UGT2B7: variants seen among roughly 807,000 people sequenced by gnomAD.
UGT2B7 encodes UDP glucuronosyltransferase family 2 member B7, also known as UDP-glucuronosyltransferase 2B7.
A neutral mutation model predicts 51.9 loss-of-function variants in UGT2B7; 51 were observed. That is an observed-to-expected ratio of 0.98 (90% confidence interval 0.78 to 1.24). The LOEUF (loss-of-function observed/expected upper bound fraction) is 1.24, where lower values mean the gene tolerates loss of function less well. UGT2B7 is among the 50% of genes most tolerant of loss of function. The pLI is 0.00. For synonymous variants in UGT2B7, 225 were observed against 211.6 expected (o/e 1.06, Z -0.55); for missense variants, 727 against 628.4 (o/e 1.16, Z -1.68).
intron 1 of UGT2B7, among the ~76,000 whole-genome samples, chr4:69,087,461 T>C (rs1033178587): frequency 6.6e-6 from 1 of 152,036 alleles, no homozygotes; most frequent in East Asian, 1.9e-4. Context: ...AAGATATAAA[T>C]GGCTTATATA....
At chr4:69,098,113 G>A (rs1383123396) in intron 1 of UGT2B7, among the ~76,000 whole-genome samples, 1 of 151,978 alleles carries the variant, frequency 6.6e-6, no homozygotes, top group African/African-American at 2.4e-5. Context: ...TTAATGAGTT[G>A]TGTAAACTAG....
rs998152225 is a variant in UGT2B7, at chr4:69,087,111, ACTCTGTCTCTCTCT to A, written c.-158-2340_-158-2327del. Reference sequence around the variant, plus strand: ...CTCTCTGTGTCTTCCTTTCTCTCTCACTCTGTCTCTCTCTCTCTGTCTCTCTCTCTCTGTGTCTT... The same window carrying A: ...CTCTCTGTGTCTTCCTTTCTCTCTCACTCTGTCTCTCTCTCTCTGTGTCTT... On this transcript the variant is annotated intron_variant, in intron 1 of 5. Transcript: ENST00000502942. Among the ~76,000 whole-genome samples the A allele has an allele frequency of 4.3e-4, 40 of 92,412 alleles. No individual in the cohort carries two copies. The South Asian group carries it at 9.9e-3, about 23-fold the overall frequency. 60.6% of individuals were successfully genotyped at this position (92,412 alleles called of 152,430 possible).
intron 3 of UGT2B7, among the ~76,000 whole-genome samples, chr4:69,103,313 G>T (rs1198964964): frequency 1.3e-5 from 2 of 152,060 alleles, no homozygotes; most frequent in Non-Finnish European, 2.9e-5. Flanking sequence ...AAATATGCTT[G>T]TATAGCATCC....
At chr4:69,062,135 G>T (rs958894936) in intron 1 of UGT2B7, among the ~76,000 whole-genome samples, 1 of 152,142 alleles carries the variant, frequency 6.6e-6, no homozygotes, top group Non-Finnish European at 1.5e-5. Context: ...ACATGAACCA[G>T]ATACTCAAGC....
At chr4:69,065,656 T>C (rs1229979120) in intron 1 of UGT2B7, among the ~76,000 whole-genome samples, 1 of 152,212 alleles carries the variant, frequency 6.6e-6, no homozygotes, top group Non-Finnish European at 1.5e-5. Flanking sequence ...GATTAGTGTA[T>C]TTCTCATACA....
chr4:69,086,132 T>C (rs1718950309), intron 1 of UGT2B7, among the ~76,000 whole-genome samples: 1 of 151,860 alleles, frequency 6.6e-6, no homozygotes, highest in Non-Finnish European at 1.5e-5. Flanking sequence ...AGACATTTAT[T>C]GGCATATATT....
Position 69,096,916 on chromosome 4 carries a change from A to G in UGT2B7, c.396A>G (p.Ser132=). The G allele has an allele frequency of 6.2e-7, 1 of 1,611,910 alleles. No individual in the cohort carries two copies. Among genetic ancestry groups the G allele is most frequent in the South Asian group, 1.1e-5 (1 of 90,382 alleles). Residue 132 remains serine (S), a synonymous_variant, in exon 1 of 6, where the codon TCA becomes TCG. Coordinates refer to ENST00000305231, the MANE Select transcript of UGT2B7 (RefSeq NM_001074.4). ...ITRKFCKDVV[S]NKKFMKKVQE... Reference sequence around the variant, plus strand: ...GAAAGTTCTGTAAAGATGTAGTTTCAAATAAGAAATTTATGAAAAAAGTAC... The same window carrying G: ...GAAAGTTCTGTAAAGATGTAGTTTCGAATAAGAAATTTATGAAAAAAGTAC...
At chr4:69,107,375 C>CT in intron 4 of UGT2B7, 113 bp downstream of exon 4, 1 of 1,232,414 alleles carries the variant, frequency 8.1e-7, no homozygotes, top group African/African-American at 1.6e-5. Flanking sequence ...CAAAATGTAA[C>CT]TTCTTTATAT....
chr4:69,110,898 TA>T, intron 5 of UGT2B7, among the ~76,000 whole-genome samples: 1 of 152,296 alleles, frequency 6.6e-6, no homozygotes, highest in South Asian at 2.1e-4. Context: ...ATTTAATATT[TA>T]AATGTTTATT....
intron 1 of UGT2B7, among the ~76,000 whole-genome samples, chr4:69,064,086 AAG>A (rs1560499729): frequency 2.0e-5 from 2 of 102,478 alleles, no homozygotes; most frequent in African/African-American, 1.0e-4. Flanking sequence ...GAAAGAAAGA[AAG>A]AAAGAAAGAG....
At chr4:69,098,391 AATTAT>A (rs1719309144) in intron 1 of UGT2B7, 144 bp from the exon 2 acceptor site, 1 of 790,164 alleles carries the variant, frequency 1.3e-6, no homozygotes, top group African/African-American at 1.8e-5. Context: ...CATAAAATTA[AATTAT>A]ATCTATATAT....
intron 2 of UGT2B7, among the ~76,000 whole-genome samples, chr4:69,101,403 T>C (rs1342559183): frequency 6.6e-6 from 1 of 152,116 alleles, no homozygotes. Flanking sequence ...ATTTTTATTA[T>C]GTTATCACAG....
chr4:69,064,606 C>T (rs563431569), intron 1 of UGT2B7, among the ~76,000 whole-genome samples: 42 of 152,328 alleles, frequency 2.8e-4, no homozygotes, highest in African/African-American at 8.7e-4. Context: ...CCCTCTGTAT[C>T]TCTGCTTTCA....
intron 2 of UGT2B7, among the ~76,000 whole-genome samples, chr4:69,100,422 G>T (rs746686887): frequency 1.3e-5 from 2 of 151,912 alleles, no homozygotes; most frequent in Admixed American, 6.6e-5. Flanking sequence ...TCTTTGTTAC[G>T]TTATTATTTA....
At position 69,097,165 on chromosome 4, in the gene UGT2B7, C is replaced by A; in HGVS notation, c.645C>A (p.Ile215=). The A allele has an allele frequency of 6.2e-7, 1 of 1,613,262 alleles. No individual in the cohort carries two copies. Among genetic ancestry groups the A allele is most frequent in the South Asian group, 1.1e-5 (1 of 91,018 alleles). Residue 215 remains isoleucine, a synonymous_variant, in exon 1 of 6, where the codon ATC becomes ATA. Coordinates refer to ENST00000305231, the MANE Select transcript of UGT2B7 (RefSeq NM_001074.4). ...MTFMERVKNM[I]YVLYFDFWFE... ...TCATGGAGAGGGTAAAAAATATGAT[C>A]TATGTGCTTTACTTTGACTTTTGGT...
In UGT2B7 at chr4:69,085,294, C is replaced by A. The variant is rs182624101; in HGVS notation, c.-158-4178C>A. ...GAAGTGTCTGTTCATATCCTTTACCCACTTTTTGATGGGGTTGTTTGTTTT... is the reference window on the plus strand; with the variant it reads ...GAAGTGTCTGTTCATATCCTTTACCAACTTTTTGATGGGGTTGTTTGTTTT... On this transcript the variant is annotated intron_variant, in intron 1 of 5. Coordinates refer to the UGT2B7 transcript ENST00000502942. Among the ~76,000 whole-genome samples the A allele has an allele frequency of 4.2e-3, 641 of 152,208 alleles. 2 individuals are homozygous for A. Among genetic ancestry groups the A allele is most frequent in the African/African-American group, 0.015 (614 of 41,534 alleles).
intron 5 of UGT2B7, 121 bp downstream of exon 5, chr4:69,108,443 C>T (rs1412444306): frequency 4.2e-6 from 5 of 1,193,014 alleles, no homozygotes; most frequent in Non-Finnish European, 5.7e-6. Context: ...ATGATTTAAC[C>T]AATCTGAAAT....
upstream of UGT2B7, among the ~76,000 whole-genome samples, chr4:69,092,655 G>A (rs1719110374): frequency 6.6e-6 from 1 of 151,894 alleles, no homozygotes; most frequent in Non-Finnish European, 1.5e-5. Flanking sequence ...TTGTATCCAG[G>A]ATTATGACTT....
intron 1 of UGT2B7, among the ~76,000 whole-genome samples, chr4:69,067,187 C>A (rs1031664023): frequency 6.6e-6 from 1 of 152,150 alleles, no homozygotes; most frequent in Non-Finnish European, 1.5e-5. Context: ...AGTCTCAAGA[C>A]ACATACCACA....
Sources: gnomAD v4.1 joint callset for allele counts (sites outside exome capture counted in the v4.1 genomes callset) on GRCh38, gnomAD v4.1.1 for gene constraint, MANE v1.5 for transcripts, NCBI Gene and HGNC (gene_info 2026-07-23, HGNC 2026-07-21) for gene names.